The following RALY variants were observed in gnomAD, a reference collection of about 807,000 sequenced individuals.
The protein encoded by RALY is RALY heterogeneous nuclear ribonucleoprotein.
In RALY, 15 loss-of-function variants were observed where a neutral mutation model predicts 30.7. The observed-to-expected ratio is 0.49, with a 90% CI of 0.33 to 0.75. The LOEUF (loss-of-function observed/expected upper bound fraction) is 0.75. RALY is among the 30% of genes least tolerant of loss of function. The pLI, the probability that RALY is intolerant of heterozygous loss-of-function variation, is 0.02. For synonymous variants in RALY, 177 were observed against 170.8 expected, an observed-to-expected ratio of 1.04 and a Z score of -0.28; for missense variants, 339 against 414.3, an observed-to-expected ratio of 0.82 and a Z score of 1.58.
At chr20:34,075,817 A>G (rs1044105221) in intron 5 of RALY, 57 bp from the exon 6 acceptor site, 7 of 1,555,624 alleles carry the variant, frequency 4.5e-6, no homozygotes, top group African/African-American at 4.1e-5. Context: ...CGGAGCTGCA[A>G]TACCGCCCTG....
chr20:34,074,563 C>G (rs947140127), intron 5 of RALY, among the ~76,000 whole-genome samples: 2 of 152,158 alleles, frequency 1.3e-5, no homozygotes, highest in Non-Finnish European at 2.9e-5. Context: ...CCACCCCGCC[C>G]CTGTGAGTCG....
intron 1 of RALY, among the ~76,000 whole-genome samples, chr20:34,020,758 A>G (rs896420504): frequency 6.6e-6 from 1 of 152,228 alleles, no homozygotes; most frequent in Non-Finnish European, 1.5e-5. Flanking sequence ...CTGATCCTAT[A>G]CAGAAAAAGT....
intron 2 of RALY, among the ~76,000 whole-genome samples, chr20:34,038,178 C>G (rs910279640): frequency 6.6e-6 from 1 of 152,138 alleles, no homozygotes; most frequent in African/African-American, 2.4e-5. Flanking sequence ...AAAGAAGATC[C>G]TTTTGTCCCT....
intron 2 of RALY, among the ~76,000 whole-genome samples, chr20:34,038,477 A>C (rs570933353): frequency 3.3e-4 from 51 of 152,304 alleles, no homozygotes; most frequent in African/African-American, 1.2e-3. Flanking sequence ...CCCCATTAAC[A>C]CAAAGCAGAA....
chr20:34,007,443 C>T (rs1471942458), intron 1 of RALY, among the ~76,000 whole-genome samples: 1 of 151,742 alleles, frequency 6.6e-6, no homozygotes, highest in Non-Finnish European at 1.5e-5. Flanking sequence ...ATCGCTTGAA[C>T]CTGGGAGGCA....
intron 1 of RALY, among the ~76,000 whole-genome samples, chr20:34,009,360 T>A (rs950560953): frequency 1.3e-5 from 2 of 152,094 alleles, no homozygotes; most frequent in African/African-American, 4.8e-5. Context: ...TGTCTCAGTC[T>A]CCCAACTAGC....
intron 1 of RALY, among the ~76,000 whole-genome samples, chr20:34,017,223 C>T (rs79969571): frequency 0.035 from 4,649 of 132,094 alleles, 111 homozygotes; most frequent in Non-Finnish European, 0.047. Context: ...TACTGAGCCT[C>T]ATTGTGTTTA....
At position 34,083,901 on chromosome 20, in the gene RALY, A is replaced by G. The variant is rs1364155065; in HGVS notation, c.*3996A>G. On this transcript the variant is annotated 3_prime_UTR_variant, in exon 10 of 10. Transcript: ENST00000246194. ...ATTGATTGAGGTTTTAGGCAAATCA[A>G]AATCCCTCCACCAGTAGCCAGATTC... The G allele has an allele frequency of 6.6e-6, 1 of 152,246 alleles. No individual in the cohort carries two copies. Among genetic ancestry groups the G allele is most frequent in the Non-Finnish European group, 1.5e-5 (1 of 68,048 alleles). The allele number at this position is 152,246 out of a possible 1,614,324, so 9.4% of individuals were successfully genotyped here. A position where few individuals can be genotyped will look rare whatever the true frequency, so the allele number is the denominator to read the frequency against.
chr20:34,066,240 G>C (rs2033568231), intron 2 of RALY, among the ~76,000 whole-genome samples: 1 of 147,000 alleles, frequency 6.8e-6, no homozygotes, highest in South Asian at 2.1e-4. Context: ...TGTAATCCCA[G>C]CAGTTTGGGA....
intron 3 of RALY, 21 bp downstream of exon 3, chr20:34,072,351 T>G (rs770197233): frequency 3.7e-6 from 6 of 1,604,106 alleles, no homozygotes; most frequent in Non-Finnish European, 5.1e-6. Context: ...CTTCACTATA[T>G]TCTCCTAGTA....
intron 8 of RALY, chr20:34,077,645 A>T (rs1311059133): frequency 6.5e-6 from 2 of 309,694 alleles, no homozygotes; most frequent in Non-Finnish European, 6.2e-6. Flanking sequence ...CATGAAGCAA[A>T]AGCTGTCTCA....
At chr20:34,035,494 A>G (rs983533925) in intron 2 of RALY, among the ~76,000 whole-genome samples, 3 of 152,066 alleles carry the variant, frequency 2.0e-5, no homozygotes, top group African/African-American at 4.8e-5. Context: ...TAAGCTTAGA[A>G]CCCAGAAGAA....
At chr20:34,079,419 C>T (rs1187850478) in intron 9 of RALY, among the ~76,000 whole-genome samples, 1 of 152,202 alleles carries the variant, frequency 6.6e-6, no homozygotes, top group South Asian at 2.1e-4. Flanking sequence ...CTACTACTCT[C>T]TGACCCATTC....
intron 2 of RALY, among the ~76,000 whole-genome samples, chr20:34,054,419 T>A (rs2033175632): frequency 1.3e-5 from 2 of 152,154 alleles, no homozygotes; most frequent in African/African-American, 4.8e-5. Flanking sequence ...AGTGGCTGGA[T>A]CTGCCTACGG....
chr20:33,995,223 T>TG (rs2030554695), intron 1 of RALY, among the ~76,000 whole-genome samples: 3 of 152,192 alleles, frequency 2.0e-5, no homozygotes, highest in South Asian at 4.1e-4. Context: ...TTGCTAGTGT[T>TG]GCGGCAGTTA....
chr20:34,015,829 A>T (rs981130046), intron 1 of RALY, among the ~76,000 whole-genome samples: 2 of 152,020 alleles, frequency 1.3e-5, no homozygotes, highest in Non-Finnish European at 2.9e-5. Context: ...TACAGGCTCA[A>T]TGCTTTGCAA....
chr20:33,995,436 C>A (rs1162384035), intron 1 of RALY, among the ~76,000 whole-genome samples: 1 of 152,180 alleles, frequency 6.6e-6, no homozygotes, highest in African/African-American at 2.4e-5. Flanking sequence ...TAGCTCAAGT[C>A]ATCTGCCTTC....
chr20:33,999,703 C>G (rs1435737175), intron 1 of RALY, among the ~76,000 whole-genome samples: 1 of 152,068 alleles, frequency 6.6e-6, no homozygotes, highest in African/African-American at 2.4e-5. Flanking sequence ...TCCAGAAGGG[C>G]AGAAGTCTCA....
At chr20:34,021,567 G>A (rs1295068109) in intron 1 of RALY, among the ~76,000 whole-genome samples, 1 of 152,122 alleles carries the variant, frequency 6.6e-6, no homozygotes, top group African/African-American at 2.4e-5. Flanking sequence ...ATGCACTAAT[G>A]TTGCCTCTCA....
Sources: gnomAD v4.1 joint callset for allele counts (sites outside exome capture counted in the v4.1 genomes callset) on GRCh38, gnomAD v4.1.1 for gene constraint, MANE v1.5 for transcripts, NCBI Gene and HGNC (gene_info 2026-07-23, HGNC 2026-07-21) for gene names.